FOXK1: variants seen among roughly 807,000 people sequenced by gnomAD.
The protein encoded by FOXK1 is forkhead box K1.
Under a neutral mutation model 51.9 loss-of-function variants are expected in FOXK1, and 19 were observed. The observed-to-expected ratio is 0.37, with a 90% CI of 0.26 to 0.54. The LOEUF (loss-of-function observed/expected upper bound fraction) is 0.54. FOXK1 is among the 20% of genes least tolerant of loss of function. FOXK1 has a pLI of 0.87. For missense variants in FOXK1, 870 were observed against 1,032.7 expected, an observed-to-expected ratio of 0.84 and a Z score of 2.16; for synonymous variants, 537 against 482.6, an observed-to-expected ratio of 1.11 and a Z score of -1.48.
intron 1 of FOXK1, among the ~76,000 whole-genome samples, chr7:4,686,392 A>G (rs1779817821): frequency 6.6e-6 from 1 of 152,198 alleles, no homozygotes; most frequent in South Asian, 2.1e-4. Flanking sequence ...TGTTACTGGA[A>G]GTACGTAATT....
intron 2 of FOXK1, among the ~76,000 whole-genome samples, chr7:4,751,227 G>A (rs1032395898): frequency 1.3e-5 from 2 of 150,972 alleles, no homozygotes; most frequent in Non-Finnish European, 2.9e-5. Context: ...CACTGTGTTA[G>A]CCAGGATGGT....
At chr7:4,739,017 C>G (rs1214155557) in intron 1 of FOXK1, among the ~76,000 whole-genome samples, 2 of 152,230 alleles carry the variant, frequency 1.3e-5, no homozygotes, top group African/African-American at 4.8e-5. Flanking sequence ...ACCTGCTCCT[C>G]AGTCCCGTCT....
rs757958773 is a variant in FOXK1, at chr7:4,765,060, C to G, written c.*2596C>G. On this transcript the variant is annotated 3_prime_UTR_variant, in exon 9 of 9. Transcript: ENST00000328914. ...GGGGTTCTGCACTGTCTAGCTTCTG[C>G]GGGGACTGCAAAGAGGGATGAAGGG... 1 of 152,576 alleles carries G rather than the reference C, an allele frequency of 6.6e-6. No homozygotes were observed. Among genetic ancestry groups the G allele is most frequent in the Non-Finnish European group, 1.5e-5 (1 of 68,306 alleles). The allele number at this position is 152,576 out of a possible 1,614,324, so 9.5% of individuals were successfully genotyped here. A position where few individuals can be genotyped will look rare whatever the true frequency, so the allele number is the denominator to read the frequency against.
Position 4,767,574 on chromosome 7 carries a change from G to C in FOXK1, c.*5110G>C, listed in dbSNP as rs1174598424. ...CTGTAGACGGGACTCAGCTCCAGAG[G>C]TTCCTGGGTAATGTATTGTGGCTCT... On this transcript the variant is annotated 3_prime_UTR_variant, in exon 9 of 9. Transcript: ENST00000328914. The surrounding 1 kb of genome is among the most constrained non-coding windows in gnomAD (Gnocchi z 6.6). 1 of 152,240 alleles carries C rather than the reference G, an allele frequency of 6.6e-6. No individual in the cohort carries two copies. Among genetic ancestry groups the C allele is most frequent in the Non-Finnish European group, 1.5e-5 (1 of 68,064 alleles). The allele number at this position is 152,240 out of a possible 1,614,324, so 9.4% of individuals were successfully genotyped here.
At chr7:4,714,173 T>C (rs1479862430) in intron 1 of FOXK1, among the ~76,000 whole-genome samples, 1 of 152,198 alleles carries the variant, frequency 6.6e-6, no homozygotes, top group Non-Finnish European at 1.5e-5. Flanking sequence ...GTTGTCTATT[T>C]TTGAGCCCTG....
chr7:4,721,107 C>G (rs1229739285), intron 1 of FOXK1, among the ~76,000 whole-genome samples: 2 of 152,224 alleles, frequency 1.3e-5, no homozygotes, highest in East Asian at 3.8e-4. Flanking sequence ...TACTCTGTCA[C>G]TGTTGCCGTA....
At chr7:4,688,222 G>A (rs1321868954) in intron 1 of FOXK1, among the ~76,000 whole-genome samples, 2 of 132,352 alleles carry the variant, frequency 1.5e-5, no homozygotes, top group East Asian at 2.4e-4. Context: ...ATCTTACTTT[G>A]TCTATAAATA....
At chr7:4,712,154 A>T (rs1331718499) in intron 1 of FOXK1, among the ~76,000 whole-genome samples, 1 of 151,946 alleles carries the variant, frequency 6.6e-6, no homozygotes, top group Non-Finnish European at 1.5e-5. Flanking sequence ...TTGAGATGAA[A>T]TCCAAGCATC....
At chr7:4,690,211 G>A (rs947836717) in intron 1 of FOXK1, among the ~76,000 whole-genome samples, 21 of 152,102 alleles carry the variant, frequency 1.4e-4, no homozygotes, top group Admixed American at 9.8e-4. Flanking sequence ...GAATGTTCCC[G>A]TTGGGTGATG....
chr7:4,689,942 T>G (rs1164344447), intron 1 of FOXK1, among the ~76,000 whole-genome samples: 1 of 152,170 alleles, frequency 6.6e-6, no homozygotes, highest in African/African-American at 2.4e-5. Context: ...GCTTTGCACT[T>G]GGGACAAGAA....
At chr7:4,739,428 G>C (rs1780601877) in intron 1 of FOXK1, among the ~76,000 whole-genome samples, 1 of 152,162 alleles carries the variant, frequency 6.6e-6, no homozygotes, top group African/African-American at 2.4e-5. Context: ...GTTTTGTTTT[G>C]TTTTTAACTG....
At chr7:4,700,309 A>T (rs1254500919) in intron 1 of FOXK1, among the ~76,000 whole-genome samples, 1 of 152,224 alleles carries the variant, frequency 6.6e-6, no homozygotes, top group East Asian at 1.9e-4. Flanking sequence ...TGAATAAACA[A>T]ATAGGAGAGA....
At chr7:4,720,362 T>C (rs1747516182) in intron 1 of FOXK1, among the ~76,000 whole-genome samples, 1 of 152,204 alleles carries the variant, frequency 6.6e-6, no homozygotes, top group Admixed American at 6.5e-5. Context: ...GTCTAGTGTG[T>C]CCCTGAGACT....
rs1780836684 is a variant in FOXK1, at chr7:4,755,610, TG to T, written c.1050+229del. On this transcript the variant is annotated intron_variant, in intron 4 of 8. Coordinates refer to ENST00000328914, the MANE Select transcript of FOXK1 (RefSeq NM_001037165.2). This position sits in a 1 kb window ranked among gnomAD's most constrained non-coding sequence, Gnocchi z 6.6. ...AGCTGAGTGTGGTGGTGCACACCTG[TG>T]GTCGCAGCTACTCGGAGGCTGAGGT... is the stretch of plus-strand genomic sequence containing the variant. 6.6e-6 allele frequency among the ~76,000 whole-genome samples: 1 copy of T among 152,104 alleles called. No individual in the cohort carries two copies. Among genetic ancestry groups the T allele is most frequent in the African/African-American group, 2.4e-5 (1 of 41,422 alleles).
intron 1 of FOXK1, among the ~76,000 whole-genome samples, chr7:4,726,940 C>T (rs1475391078): frequency 6.6e-6 from 1 of 152,050 alleles, no homozygotes; most frequent in Non-Finnish European, 1.5e-5. Flanking sequence ...TTGTCAACTA[C>T]TAATTTTAAT....
At chr7:4,737,315 C>T (rs1027968837) in intron 1 of FOXK1, among the ~76,000 whole-genome samples, 7 of 152,182 alleles carry the variant, frequency 4.6e-5, no homozygotes, top group African/African-American at 1.7e-4. Flanking sequence ...CGTTGATTTG[C>T]AGTGGTTGAG....
In FOXK1 at chr7:4,733,146, A is replaced by C. The variant is rs1780504575; in HGVS notation, c.561-7692A>C. ...TTTGCAACAAAGGTCAAAAATAACG[A>C]GGGCCAAGTTTGTTTCTTTTATACG... is the stretch of plus-strand genomic sequence containing the variant. On this transcript the variant is annotated intron_variant, in intron 1 of 8. Transcript: ENST00000328914. This position sits in a 1 kb window ranked among gnomAD's most constrained non-coding sequence, Gnocchi z 5.0. 6.6e-6 allele frequency among the ~76,000 whole-genome samples: 1 copy of C among 151,170 alleles called. No individual in the cohort carries two copies. Among genetic ancestry groups the C allele is most frequent in the African/African-American group, 2.4e-5 (1 of 41,130 alleles).
chr7:4,737,930 C>A (rs377407206), intron 1 of FOXK1, among the ~76,000 whole-genome samples: 4 of 152,080 alleles, frequency 2.6e-5, no homozygotes, highest in Admixed American at 1.3e-4. Context: ...CCAGACCAGC[C>A]TGACCAACAT....
chr7:4,684,239 A>G (rs1272872112), intron 1 of FOXK1, among the ~76,000 whole-genome samples: 3 of 152,010 alleles, frequency 2.0e-5, no homozygotes, highest in African/African-American at 7.2e-5. Flanking sequence ...CAGTGTTTAT[A>G]TTTCTTCAAT....
Sources: gnomAD v4.1 joint callset for allele counts (sites outside exome capture counted in the v4.1 genomes callset) on GRCh38, gnomAD v4.1.1 for gene constraint, Gnocchi (gnomAD v3.1) non-coding constraint, MANE v1.5 for transcripts, NCBI Gene and HGNC (gene_info 2026-07-23, HGNC 2026-07-21) for gene names.